Variants in RBMS2 observed in about 807,000 individuals in gnomAD.
RBMS2 encodes the protein RNA-binding motif, single-stranded-interacting protein 2.
A neutral mutation model predicts 58.4 loss-of-function variants in RBMS2; 38 were observed. The ratio of observed to expected loss-of-function variants is 0.65; its 90% CI spans 0.50 to 0.85. The LOEUF is 0.85. Ranked by LOEUF, RBMS2 falls within the 40% of genes least tolerant of loss-of-function variation. The pLI, the probability that RBMS2 is intolerant of heterozygous loss-of-function variation, is 0.00. For missense variants in RBMS2, 367 were observed against 503.7 expected (o/e 0.73, Z 2.60); for synonymous variants, 151 against 180.7 (o/e 0.84, Z 1.32).
chr12:56,533,153 T>C (rs1407980886), intron 1 of RBMS2, among the ~76,000 whole-genome samples: 1 of 151,998 alleles, frequency 6.6e-6, no homozygotes, highest in African/African-American at 2.4e-5. Flanking sequence ...CAGAGTGGAG[T>C]GCAGTGGCAT....
intron 1 of RBMS2, among the ~76,000 whole-genome samples, chr12:56,548,609 C>T (rs1410268406): frequency 6.6e-6 from 1 of 151,990 alleles, no homozygotes; most frequent in Non-Finnish European, 1.5e-5. Flanking sequence ...TTTAGGCAAA[C>T]GTTCAGTTAT....
chr12:56,559,481 C>T (rs1472998618), intron 1 of RBMS2, among the ~76,000 whole-genome samples: 3 of 151,358 alleles, frequency 2.0e-5, no homozygotes, highest in Non-Finnish European at 3.0e-5. Flanking sequence ...CCACCGTGCC[C>T]GGCCAAGAAG....
At chr12:56,571,591 G>A (rs1882301407) in intron 4 of RBMS2, 107 bp from the exon 5 acceptor site, 2 of 1,229,930 alleles carry the variant, frequency 1.6e-6, no homozygotes, top group Admixed American at 2.7e-5. Context: ...TTGTTTATGT[G>A]GGACCCTTCC....
At chr12:56,536,233 A>G (rs1874800742) in intron 1 of RBMS2, among the ~76,000 whole-genome samples, 1 of 145,606 alleles carries the variant, frequency 6.9e-6, no homozygotes, top group African/African-American at 2.5e-5. Flanking sequence ...AAAAAATCCC[A>G]GCACTCTGGA....
At chr12:56,540,083 T>C (rs758725981) in intron 1 of RBMS2, among the ~76,000 whole-genome samples, 2 of 152,154 alleles carry the variant, frequency 1.3e-5, no homozygotes, top group Non-Finnish European at 2.9e-5. Context: ...TTTTTTTTGG[T>C]AGCCCATTTA....
intron 4 of RBMS2, among the ~76,000 whole-genome samples, chr12:56,570,363 T>C (rs1374480559): frequency 6.6e-6 from 1 of 152,176 alleles, no homozygotes; most frequent in Non-Finnish European, 1.5e-5. Flanking sequence ...CAACTCAGAA[T>C]TTCAGAACAA....
intron 1 of RBMS2, among the ~76,000 whole-genome samples, chr12:56,538,064 C>T (rs992566475): frequency 1.3e-5 from 2 of 151,702 alleles, no homozygotes; most frequent in African/African-American, 4.8e-5. Context: ...CAGAGTTTTG[C>T]TCTTTTTGCC....
chr12:56,570,244 C>T (rs1427143179), intron 4 of RBMS2, among the ~76,000 whole-genome samples: 5 of 152,266 alleles, frequency 3.3e-5, no homozygotes, highest in South Asian at 4.2e-4. Context: ...TGGCCTCTTC[C>T]GGTACTCCTG....
chr12:56,576,327 A>G (rs763900860), intron 5 of RBMS2, among the ~76,000 whole-genome samples: 2 of 152,164 alleles, frequency 1.3e-5, no homozygotes, highest in African/African-American at 4.8e-5. Flanking sequence ...ACACAGTGAG[A>G]TTCTGTCTCA....
In RBMS2 at chr12:56,549,940, C is replaced by T. The variant is rs185519752; in HGVS notation, c.67-12477C>T. 6.2e-3 allele frequency among the ~76,000 whole-genome samples: 950 copies of T among 152,132 alleles called. 42 individuals carry two copies. Among genetic ancestry groups the T allele is most frequent in the Admixed American group, 0.057 (872 of 15,254 alleles). Reference sequence around the variant, plus strand: ...ACTCAGAAGGCTGAGGCAGGAGAATCGCTTGAACCCAGGAGGCGGAGGTTA... The same window carrying T: ...ACTCAGAAGGCTGAGGCAGGAGAATTGCTTGAACCCAGGAGGCGGAGGTTA... On this transcript the variant is annotated intron_variant, in intron 1 of 13. Transcript: ENST00000262031.
chr12:56,546,422 A>ATATAATGTATAATATATTGTACAT (rs1877251516), intron 1 of RBMS2, among the ~76,000 whole-genome samples: 5 of 144,980 alleles, frequency 3.4e-5, no homozygotes, highest in Admixed American at 3.4e-4. Context: ...ATAATGTAAA[A>ATATAATGTATAATATATTGTACAT]TATAATGTAT....
chr12:56,586,144 C>T (rs376448713), intron 9 of RBMS2, among the ~76,000 whole-genome samples: 7 of 152,170 alleles, frequency 4.6e-5, no homozygotes, highest in East Asian at 1.9e-4. Flanking sequence ...CTGGCTAACA[C>T]GGTGAAACCC....
intron 1 of RBMS2, among the ~76,000 whole-genome samples, chr12:56,538,177 C>T (rs568709765): frequency 1.1e-4 from 17 of 152,022 alleles, no homozygotes; most frequent in East Asian, 7.7e-4. Context: ...GGATTACAGA[C>T]GTGCACCACC....
intron 1 of RBMS2, among the ~76,000 whole-genome samples, chr12:56,530,053 C>T (rs563960011): frequency 1.3e-5 from 2 of 152,028 alleles, no homozygotes; most frequent in African/African-American, 2.4e-5. Flanking sequence ...GGGATTACAG[C>T]GCCACATGCC....
Sources: gnomAD v4.1 joint callset for allele counts (sites outside exome capture counted in the v4.1 genomes callset) on GRCh38, gnomAD v4.1.1 for gene constraint, MANE v1.5 for transcripts, NCBI Gene and HGNC (gene_info 2026-07-23, HGNC 2026-07-21) for gene names.